Variants in STXBP5L observed in about 807,000 individuals in gnomAD.
STXBP5L encodes syntaxin-binding protein 5-like.
Under a neutral mutation model 144.5 loss-of-function variants are expected in STXBP5L, and 65 were observed. The observed-to-expected ratio is 0.45, with a 90% CI of 0.37 to 0.55. The LOEUF (loss-of-function observed/expected upper bound fraction) is 0.55. Among genes scored for constraint, STXBP5L ranks in the 20% least tolerant of loss-of-function variants. The probability of loss-of-function intolerance (pLI) is 0.00; values close to 1 mark genes in which losing one functional copy is unlikely to be tolerated. For synonymous variants in STXBP5L, 505 were observed against 469.6 expected, an observed-to-expected ratio of 1.08 and a Z score of -0.97; for missense variants, 1,298 against 1,405.5, an observed-to-expected ratio of 0.92 and a Z score of 1.22.
At chr3:121,092,633 C>G (rs1446203074) in intron 5 of STXBP5L, among the ~76,000 whole-genome samples, 1 of 152,176 alleles carries the variant, frequency 6.6e-6, no homozygotes, top group Non-Finnish European at 1.5e-5. Context: ...CATCCTGAGA[C>G]TTTGCTGAAG....
chr3:120,995,731 T>A (rs914111457), intron 3 of STXBP5L, among the ~76,000 whole-genome samples: 2 of 152,152 alleles, frequency 1.3e-5, no homozygotes, highest in African/African-American at 4.8e-5. Context: ...TTTACATACA[T>A]TGAGCGCCAT....
At chr3:121,231,349 G>C (rs1267248987) in intron 11 of STXBP5L, among the ~76,000 whole-genome samples, 1 of 152,146 alleles carries the variant, frequency 6.6e-6, no homozygotes, top group Non-Finnish European at 1.5e-5. Context: ...TGCCTTAAAA[G>C]CAATCTCGAC....
At chr3:121,027,173 A>G (rs971313795) in intron 3 of STXBP5L, among the ~76,000 whole-genome samples, 3 of 150,248 alleles carry the variant, frequency 2.0e-5, no homozygotes, top group Admixed American at 6.8e-5. Flanking sequence ...CCTAAATCCT[A>G]TAAGCACATG....
chr3:121,028,013 A>G (rs909183669), intron 3 of STXBP5L, among the ~76,000 whole-genome samples: 2 of 152,142 alleles, frequency 1.3e-5, no homozygotes, highest in Non-Finnish European at 1.5e-5. Flanking sequence ...CAATAGGGCC[A>G]GAAATAATCT....
intron 3 of STXBP5L, among the ~76,000 whole-genome samples, chr3:121,016,692 C>G (rs1029517796): frequency 6.6e-6 from 1 of 152,072 alleles, no homozygotes; most frequent in Non-Finnish European, 1.5e-5. Flanking sequence ...AACAGAAGAA[C>G]TATATTTGAT....
At chr3:121,126,300 G>A (rs759048453) in intron 7 of STXBP5L, among the ~76,000 whole-genome samples, 1 of 152,106 alleles carries the variant, frequency 6.6e-6, no homozygotes, top group East Asian at 1.9e-4. Context: ...CTGCTTTCTT[G>A]CTGTAAGAGT....
At chr3:121,010,257 T>A (rs1944672709) in intron 3 of STXBP5L, among the ~76,000 whole-genome samples, 1 of 151,418 alleles carries the variant, frequency 6.6e-6, no homozygotes, top group Non-Finnish European at 1.5e-5. Flanking sequence ...GGGGAAGGAG[T>A]GAGGGAATCA....
chr3:121,006,622 G>T (rs960978416), intron 3 of STXBP5L, among the ~76,000 whole-genome samples: 1 of 152,172 alleles, frequency 6.6e-6, no homozygotes, highest in Non-Finnish European at 1.5e-5. Flanking sequence ...TTGCTTGTTA[G>T]TTGATACAGT....
chr3:121,163,473 G>T (rs898031394), intron 9 of STXBP5L, among the ~76,000 whole-genome samples: 1 of 151,978 alleles, frequency 6.6e-6, no homozygotes, highest in African/African-American at 2.4e-5. Context: ...CCTAATGCAT[G>T]CCGGGCTTAA....
intron 3 of STXBP5L, among the ~76,000 whole-genome samples, chr3:121,038,559 A>G (rs1354680753): frequency 1.3e-5 from 2 of 151,914 alleles, no homozygotes; most frequent in Non-Finnish European, 2.9e-5. Flanking sequence ...TTTCAAAAGT[A>G]TATTTATTCT....
At chr3:121,182,866 A>G (rs546446536) in intron 9 of STXBP5L, among the ~76,000 whole-genome samples, 1 of 152,334 alleles carries the variant, frequency 6.6e-6, no homozygotes, top group Admixed American at 6.5e-5. Context: ...GCTACTATTA[A>G]TGACAGACCA....
chr3:121,055,236 C>G (rs932721288), intron 5 of STXBP5L, among the ~76,000 whole-genome samples: 1 of 151,966 alleles, frequency 6.6e-6, no homozygotes, highest in South Asian at 2.1e-4. Flanking sequence ...AATTATCTAT[C>G]GAAGTATGGT....
intron 9 of STXBP5L, among the ~76,000 whole-genome samples, chr3:121,191,577 T>G (rs1045003507): frequency 6.6e-6 from 1 of 151,988 alleles, no homozygotes; most frequent in Admixed American, 6.5e-5. Flanking sequence ...AGATAGTTTT[T>G]TTTTCCAATT....
intron 9 of STXBP5L, among the ~76,000 whole-genome samples, chr3:121,167,399 C>G (rs533005237): frequency 6.6e-6 from 1 of 152,232 alleles, no homozygotes; most frequent in East Asian, 1.9e-4. Flanking sequence ...GATATTTTAG[C>G]TGCTAAAAAT....
chr3:121,203,132 C>T (rs1372394993), intron 9 of STXBP5L, among the ~76,000 whole-genome samples: 1 of 151,662 alleles, frequency 6.6e-6, no homozygotes, highest in African/African-American at 2.4e-5. Context: ...TCTCTTACAC[C>T]CTCAAAATTG....
chr3:121,313,064 G>T (rs564484655), intron 19 of STXBP5L, among the ~76,000 whole-genome samples: 3,032 of 150,222 alleles, frequency 0.02, 31 homozygotes, highest in South Asian at 0.036. Context: ...TCACCTCCCG[G>T]ATGGGGCGGC....
Position 121,005,888 on chromosome 3 carries a change from C to G in STXBP5L, c.288-35812C>G, listed in dbSNP as rs534588391. 1.3e-3 allele frequency among the ~76,000 whole-genome samples: 205 copies of G among 152,230 alleles called. 3 individuals carry two copies. The East Asian group carries it at 0.025, about 19-fold the overall frequency. On this transcript the variant is annotated intron_variant, in intron 3 of 26. Transcript: ENST00000471454. ...TGAGTGAGTTTCTTAATCCTGACTT[C>G]TAGTTTGATTGCACTGTGGTCTGAG...
chr3:121,073,000 A>C (rs1033141485), intron 5 of STXBP5L, among the ~76,000 whole-genome samples: 16 of 152,220 alleles, frequency 1.1e-4, no homozygotes, highest in African/African-American at 3.9e-4. Context: ...TCTTTGGGCC[A>C]AAGTTCCGAC....
intron 9 of STXBP5L, among the ~76,000 whole-genome samples, chr3:121,193,417 T>G (rs1283277741): frequency 6.8e-6 from 1 of 146,148 alleles, no homozygotes. Flanking sequence ...AGTGTGGTGA[T>G]TCCTCATGGA....
Sources: gnomAD v4.1 joint callset for allele counts (sites outside exome capture counted in the v4.1 genomes callset) on GRCh38, gnomAD v4.1.1 for gene constraint, MANE v1.5 for transcripts, NCBI Gene and HGNC (gene_info 2026-07-23, HGNC 2026-07-21) for gene names.